DIAPH3: variants seen among roughly 807,000 people sequenced by gnomAD.
The protein encoded by DIAPH3 is diaphanous related formin 3, also known as protein diaphanous homolog 3.
In DIAPH3, 117 loss-of-function variants were observed where a neutral mutation model predicts 144.3. That is an observed-to-expected ratio of 0.81 (90% CI 0.70 to 0.95). The LOEUF is 0.95. DIAPH3 is among the 40% of genes least tolerant of loss of function. DIAPH3 has a pLI of 0.00. For synonymous variants in DIAPH3, 519 were observed against 488.9 expected, an observed-to-expected ratio of 1.06 and a Z score of -0.81; for missense variants, 1,421 against 1,412.7, an observed-to-expected ratio of 1.01 and a Z score of -0.09.
chr13:59,780,700 G>A (rs768401461), intron 25 of DIAPH3, among the ~76,000 whole-genome samples: 14 of 152,098 alleles, frequency 9.2e-5, no homozygotes, highest in Admixed American at 6.6e-5. Context: ...GAAAGAAGGC[G>A]GAACTGCTAA....
At chr13:59,735,235 A>G (rs962542899) in intron 27 of DIAPH3, among the ~76,000 whole-genome samples, 1 of 152,174 alleles carries the variant, frequency 6.6e-6, no homozygotes, top group Non-Finnish European at 1.5e-5. Flanking sequence ...CAGATATGAA[A>G]ATATAAAATT....
chr13:60,027,913 C>T (rs1407287710), intron 5 of DIAPH3, among the ~76,000 whole-genome samples: 1 of 152,078 alleles, frequency 6.6e-6, no homozygotes, highest in Non-Finnish European at 1.5e-5. Flanking sequence ...CACCGCTTGT[C>T]CCCACCCTAA....
chr13:60,112,109 A>C lies in DIAPH3; in HGVS notation c.291T>G (p.Phe97Leu). 6.2e-7 allele frequency: 1 copy of C among 1,614,112 alleles called. No homozygotes were observed. The highest frequency in any genetic ancestry group is 8.5e-7 in the Non-Finnish European group (1 of 1,179,976). The change falls in exon 3 of 28, where the codon TTT becomes TTG. Residue 97 changes from phenylalanine to leucine, a missense_variant. Transcript: ENST00000400324. Reference sequence around the variant, plus strand: ...GTGCTGCTGAGCAATCACTGCTTGCAAATGCAGTCTTCAGGTTGGGAAGTG... The same window carrying C: ...GTGCTGCTGAGCAATCACTGCTTGCCAATGCAGTCTTCAGGTTGGGAAGTG... The part of the protein sequence containing the change: ...RPPLPNLKTA[F>L]ASSDCSAAPL...
At chr13:59,923,639 C>A (rs2047621467) in intron 18 of DIAPH3, among the ~76,000 whole-genome samples, 1 of 152,134 alleles carries the variant, frequency 6.6e-6, no homozygotes, top group South Asian at 2.1e-4. Flanking sequence ...CAAAAAGTGA[C>A]ATTAACTCCA....
chr13:59,965,965 A>T (rs1310516424), intron 17 of DIAPH3, among the ~76,000 whole-genome samples: 7 of 152,180 alleles, frequency 4.6e-5, no homozygotes, highest in Non-Finnish European at 7.4e-5. Context: ...GAAAAAACAT[A>T]ATCTGGAAAA....
intron 17 of DIAPH3, among the ~76,000 whole-genome samples, chr13:59,932,325 C>T (rs544036360): frequency 3.3e-5 from 5 of 152,106 alleles, no homozygotes; most frequent in Non-Finnish European, 4.4e-5. Context: ...TTAAGTACTG[C>T]ACTGAAGGCT....
intron 18 of DIAPH3, among the ~76,000 whole-genome samples, chr13:59,917,691 T>C (rs549160705): frequency 6.6e-6 from 1 of 151,494 alleles, no homozygotes; most frequent in South Asian, 2.1e-4. Context: ...CAGATCGAGA[T>C]CATCTTAACT....
chr13:59,912,773 C>A (rs2047055118), intron 19 of DIAPH3, among the ~76,000 whole-genome samples: 1 of 151,992 alleles, frequency 6.6e-6, no homozygotes, highest in Non-Finnish European at 1.5e-5. Flanking sequence ...CTAGATCATG[C>A]TATATATATT....
intron 25 of DIAPH3, among the ~76,000 whole-genome samples, chr13:59,776,351 G>A (rs2038410971): frequency 6.6e-6 from 1 of 152,070 alleles, no homozygotes; most frequent in African/African-American, 2.4e-5. Context: ...TACAATAAAT[G>A]TAATTCTAAG....
intron 22 of DIAPH3, among the ~76,000 whole-genome samples, chr13:59,856,830 T>C (rs2043282672): frequency 6.6e-6 from 1 of 152,092 alleles, no homozygotes; most frequent in Admixed American, 6.6e-5. Flanking sequence ...ATAACTAAAT[T>C]ATTTTATCAT....
intron 17 of DIAPH3, among the ~76,000 whole-genome samples, chr13:59,946,658 C>T (rs2048811893): frequency 6.6e-6 from 1 of 152,108 alleles, no homozygotes; most frequent in Admixed American, 6.5e-5. Flanking sequence ...TGAGTACTGG[C>T]CCATGCTTAC....
At chr13:60,121,306 T>C (rs1381451292) in intron 2 of DIAPH3, among the ~76,000 whole-genome samples, 1 of 152,162 alleles carries the variant, frequency 6.6e-6, no homozygotes, top group Non-Finnish European at 1.5e-5. Flanking sequence ...AATAAAGATT[T>C]AATTTTTTCT....
chr13:59,737,470 T>A (rs1331762323), intron 27 of DIAPH3, among the ~76,000 whole-genome samples: 1 of 152,174 alleles, frequency 6.6e-6, no homozygotes, highest in East Asian at 1.9e-4. Flanking sequence ...TGAACAAAAC[T>A]TAGGCATTGG....
intron 18 of DIAPH3, 58 bp from the exon 19 acceptor site, chr13:59,916,307 G>T: frequency 8.0e-7 from 1 of 1,253,272 alleles, no homozygotes; most frequent in Non-Finnish European, 1.2e-6. Context: ...AAGTATTTCA[G>T]ATGTAGTTCT....
In DIAPH3 at chr13:60,156,493, G is replaced by C. The variant is rs372652505; in HGVS notation, c.180+7094C>G. ...TACAGGATGAGTAAATAATCTTTAG[G>C]GGGGATGAATGGGCCCAAAGAAGAG... is the stretch of plus-strand genomic sequence containing the variant. On this transcript the variant is annotated intron_variant, in intron 1 of 27. Coordinates refer to ENST00000400324, the MANE Select transcript of DIAPH3 (RefSeq NM_001042517.2). Among the ~76,000 whole-genome samples, 9 of 152,074 alleles carry C rather than the reference G, an allele frequency of 5.9e-5. No homozygotes were observed. In the East Asian group the frequency reaches 7.8e-4, roughly 13 times the overall value.
intron 27 of DIAPH3, chr13:59,696,153 C>G (rs1283945881): frequency 1.3e-5 from 2 of 152,128 alleles, no homozygotes; most frequent in Non-Finnish European, 2.9e-5. Context: ...GACATGGTTC[C>G]GTTGATCTTA....
chr13:59,991,553 A>G (rs150693633), intron 11 of DIAPH3, among the ~76,000 whole-genome samples: 5 of 152,038 alleles, frequency 3.3e-5, no homozygotes, highest in African/African-American at 9.6e-5. Context: ...GAAGCTGGCT[A>G]TGAATACTGT....
chr13:59,845,889 C>T (rs551646481), intron 22 of DIAPH3, among the ~76,000 whole-genome samples: 5 of 152,126 alleles, frequency 3.3e-5, no homozygotes, highest in Non-Finnish European at 7.4e-5. Flanking sequence ...TTTGTATTTT[C>T]GTTACAAAAC....
intron 20 of DIAPH3, among the ~76,000 whole-genome samples, chr13:59,884,233 G>A (rs1168655496): frequency 1.3e-5 from 2 of 152,076 alleles, no homozygotes; most frequent in Non-Finnish European, 2.9e-5. Flanking sequence ...ATGATCTGTC[G>A]CTGTCTCCTA....
Sources: allele counts gnomAD v4.1 joint callset (sites outside exome capture counted in the v4.1 genomes callset), GRCh38; gene constraint gnomAD v4.1.1; transcripts MANE v1.5; gene names NCBI Gene and HGNC (gene_info 2026-07-23, HGNC 2026-07-21).